MAGI2: variants seen among roughly 807,000 people sequenced by gnomAD.
MAGI2 encodes the protein membrane-associated guanylate kinase, WW and PDZ domain-containing protein 2.
Under a neutral mutation model 133.3 loss-of-function variants are expected in MAGI2, and 35 were observed. That is an observed-to-expected ratio of 0.26 (90% CI 0.20 to 0.35). The LOEUF (loss-of-function observed/expected upper bound fraction) is 0.35, where lower values mean the gene tolerates loss of function less well. MAGI2 is among the 10% of genes least tolerant of loss of function. The probability of loss-of-function intolerance (pLI) is 1.00; values close to 1 mark genes in which losing one functional copy is unlikely to be tolerated. For synonymous variants in MAGI2, 729 were observed against 710.6 expected (o/e 1.03, Z -0.41); for missense variants, 1,636 against 1,863.4 (o/e 0.88, Z 2.25).
At chr7:78,235,805 T>C (rs1246467000) in intron 10 of MAGI2, among the ~76,000 whole-genome samples, 1 of 152,164 alleles carries the variant, frequency 6.6e-6, no homozygotes, top group Non-Finnish European at 1.5e-5. Context: ...TAGACGATTG[T>C]AACTAAGCCT....
In MAGI2 at chr7:79,050,897, A is replaced by G. The variant is rs370429545; in HGVS notation, c.302-43691T>C. Among the ~76,000 whole-genome samples the G allele has an allele frequency of 1.8e-3, 188 of 105,668 alleles. 2 individuals carry two copies. The highest frequency in any genetic ancestry group is 0.015 in the African/African-American group (181 of 11,706). 69.3% of individuals were successfully genotyped at this position (105,668 alleles called of 152,430 possible). A position where few individuals can be genotyped will look rare whatever the true frequency, so the allele number is the denominator to read the frequency against. On this transcript the variant is annotated intron_variant, in intron 1 of 21. Coordinates refer to ENST00000354212, the MANE Select transcript of MAGI2 (RefSeq NM_012301.4). ...GTGTGGAAGCTGCCCTGGCACTCAC[A>G]TCTAAAGACTTGTTATTCTATTGAA...
intron 6 of MAGI2, among the ~76,000 whole-genome samples, chr7:78,483,730 T>G (rs1792672010): frequency 6.6e-6 from 1 of 151,994 alleles, no homozygotes; most frequent in Non-Finnish European, 1.5e-5. Flanking sequence ...GGATGAAGCA[T>G]ATCTCAAAAT....
At position 78,999,614 on chromosome 7, in the gene MAGI2, G is replaced by A. The variant is rs11974090; in HGVS notation, c.418+7476C>T. ...GAAGGTAAACCTAATATAGCTTTCC[G>A]TAAAGTAATAACACATTTAATAACT... is the stretch of plus-strand genomic sequence containing the variant. On this transcript the variant is annotated intron_variant, in intron 2 of 21. Transcript: ENST00000354212. Among the ~76,000 whole-genome samples, 454 of 152,206 alleles carry A rather than the reference G, an allele frequency of 3.0e-3. 1 individual carries two copies. Among genetic ancestry groups the A allele is most frequent in the African/African-American group, 0.01 (420 of 41,524 alleles).
intron 15 of MAGI2, among the ~76,000 whole-genome samples, chr7:78,164,521 T>C (rs1825427569): frequency 6.6e-6 from 1 of 152,228 alleles, no homozygotes; most frequent in South Asian, 2.1e-4. Context: ...GGCAGACAGC[T>C]TATTTAAATG....
intron 1 of MAGI2, among the ~76,000 whole-genome samples, chr7:79,196,318 A>G (rs1431787570): frequency 6.6e-6 from 1 of 152,064 alleles, no homozygotes; most frequent in African/African-American, 2.4e-5. Flanking sequence ...TTTAAAACAT[A>G]TTTAGTTAAG....
At chr7:78,721,428 C>A (rs946173021) in intron 2 of MAGI2, among the ~76,000 whole-genome samples, 3 of 151,924 alleles carry the variant, frequency 2.0e-5, no homozygotes, top group African/African-American at 7.2e-5. Flanking sequence ...ATGCCTGTAC[C>A]TTCAAGTTAC....
intron 1 of MAGI2, among the ~76,000 whole-genome samples, chr7:79,334,059 T>A (rs181145535): frequency 1.4e-3 from 217 of 152,314 alleles, no homozygotes; most frequent in African/African-American, 5.0e-3. Flanking sequence ...CAGCAACCCA[T>A]CCGTGTCATC....
intron 2 of MAGI2, among the ~76,000 whole-genome samples, chr7:78,815,092 C>A (rs1441274073): frequency 2.0e-5 from 3 of 152,096 alleles, no homozygotes; most frequent in Non-Finnish European, 4.4e-5. Context: ...TCCCAATGAT[C>A]AGATATTCAG....
chr7:79,286,313 C>A (rs6954793), intron 1 of MAGI2, among the ~76,000 whole-genome samples: 127,964 of 151,954 alleles, frequency 0.84, 53,960 homozygotes, highest in Middle Eastern at 0.86. Context: ...CCAAACATCA[C>A]TGAGTTGGAT....
intron 2 of MAGI2, among the ~76,000 whole-genome samples, chr7:78,968,155 C>T (rs529386056): frequency 3.4e-4 from 52 of 152,138 alleles, no homozygotes; most frequent in Admixed American, 4.6e-4. Flanking sequence ...ACTACCATAG[C>T]TTTGTAATGT....
intron 2 of MAGI2, among the ~76,000 whole-genome samples, chr7:78,637,689 A>G (rs568774876): frequency 1.3e-5 from 2 of 152,356 alleles, no homozygotes; most frequent in East Asian, 1.9e-4. Context: ...GCTCTCTGTT[A>G]TAACAAATTA....
At chr7:78,091,087 G>A (rs903920092) in intron 20 of MAGI2, among the ~76,000 whole-genome samples, 3 of 147,260 alleles carry the variant, frequency 2.0e-5, no homozygotes, top group Non-Finnish European at 3.1e-5. Context: ...TGATAAGAGA[G>A]TAAGAGTGAA....
chr7:78,034,761 C>A (rs914380671), intron 21 of MAGI2, among the ~76,000 whole-genome samples: 2 of 152,166 alleles, frequency 1.3e-5, no homozygotes, highest in African/African-American at 2.4e-5. Context: ...CTCTTGACCT[C>A]AAGTGATCCA....
intron 2 of MAGI2, among the ~76,000 whole-genome samples, chr7:78,924,321 G>T (rs1799511838): frequency 6.6e-6 from 1 of 152,074 alleles, no homozygotes; most frequent in Admixed American, 6.6e-5. Flanking sequence ...GTATGATATT[G>T]GCTGTGGGTT....
At chr7:78,675,730 C>T (rs905793184) in intron 2 of MAGI2, among the ~76,000 whole-genome samples, 39 of 152,218 alleles carry the variant, frequency 2.6e-4, no homozygotes, top group Admixed American at 7.2e-4. Flanking sequence ...ATGCAGGACA[C>T]GCCATGAATC....
At chr7:79,296,431 C>G (rs1480614335) in intron 1 of MAGI2, among the ~76,000 whole-genome samples, 2 of 152,120 alleles carry the variant, frequency 1.3e-5, no homozygotes, top group African/African-American at 4.8e-5. Context: ...ACATAATCAG[C>G]TGAAGTGTCC....
chr7:79,393,236 C>T (rs1844798231), intron 1 of MAGI2, among the ~76,000 whole-genome samples: 2 of 152,058 alleles, frequency 1.3e-5, no homozygotes, highest in African/African-American at 2.4e-5. Context: ...TAATAATAGA[C>T]TCCAGTAACA....
At chr7:78,843,207 G>C (rs493830) in intron 2 of MAGI2, among the ~76,000 whole-genome samples, 81,173 of 151,600 alleles carry the variant, frequency 0.54, 22,158 homozygotes, top group East Asian at 0.71. Flanking sequence ...CAAATGTCTG[G>C]TTGACAACTA....
intron 6 of MAGI2, among the ~76,000 whole-genome samples, chr7:78,444,859 A>G (rs933589561): frequency 6.7e-6 from 1 of 148,346 alleles, no homozygotes; most frequent in Admixed American, 6.8e-5. Flanking sequence ...AAATATATAA[A>G]AATATATAAA....
Sources: allele counts gnomAD v4.1 joint callset (sites outside exome capture counted in the v4.1 genomes callset), GRCh38; gene constraint gnomAD v4.1.1; transcripts MANE v1.5; gene names NCBI Gene and HGNC (gene_info 2026-07-23, HGNC 2026-07-21).